Variants in TRIP12 observed in about 807,000 individuals in gnomAD.
TRIP12 encodes E3 ubiquitin-protein ligase TRIP12.
In TRIP12, 25 loss-of-function variants were observed where a neutral mutation model predicts 244.2. The observed-to-expected ratio is 0.10, with a 90% CI of 0.07 to 0.14. TRIP12 has a LOEUF of 0.14. Ranked by LOEUF, TRIP12 falls within the 10% of genes least tolerant of loss-of-function variation. The pLI, the probability that TRIP12 is intolerant of heterozygous loss-of-function variation, is 1.00. For synonymous variants in TRIP12, 905 were observed against 873.1 expected (o/e 1.04, Z -0.64); for missense variants, 1,677 against 2,486.4 (o/e 0.67, Z 6.92).
chr2:229,770,197 G>C (rs747362042), intron 39 of TRIP12, among the ~76,000 whole-genome samples: 2 of 151,990 alleles, frequency 1.3e-5, no homozygotes, highest in Non-Finnish European at 2.9e-5. Context: ...TTAAATTTCC[G>C]AGCTCAAGTG....
chr2:229,793,204 A>C (rs1372070671), intron 26 of TRIP12, 59 bp from the exon 27 acceptor site: 21 of 1,518,218 alleles, frequency 1.4e-5, no homozygotes, highest in Admixed American at 2.0e-5. Context: ...ATATACATTA[A>C]TTCAAATAAA....
intron 1 of TRIP12, among the ~76,000 whole-genome samples, chr2:229,898,869 T>C (rs2069735626): frequency 6.6e-6 from 1 of 152,142 alleles, no homozygotes; most frequent in Admixed American, 6.5e-5. Context: ...TTTATTTTTA[T>C]TTTTTGTAGA....
intron 39 of TRIP12, among the ~76,000 whole-genome samples, chr2:229,769,655 T>A (rs569069759): frequency 7.4e-4 from 112 of 152,208 alleles, no homozygotes; most frequent in Non-Finnish European, 1.0e-3. Context: ...AAATGGATAA[T>A]CTGCTTCTAG....
rs897730475 is a variant in TRIP12 at position 229,784,324 on chromosome 2, C to CA, written c.5094+1432dup. Among the ~76,000 whole-genome samples the CA allele has an allele frequency of 8.7e-5, 13 of 150,270 alleles. No homozygotes were observed. The East Asian group carries it at 1.6e-3, about 18-fold the overall frequency. On this transcript the variant is annotated intron_variant, in intron 34 of 41. Coordinates refer to ENST00000675903, the MANE Select transcript of TRIP12 (RefSeq NM_001348323.3). The stretch of plus-strand genomic sequence containing the variant: ...AGAACGGTCTTTTCAGCAGATAGTG[C>CA]AAAAAAATCTGAATAGCCTATGTCT...
intron 27 of TRIP12, 36 bp downstream of exon 27, chr2:229,792,937 C>A: frequency 6.3e-7 from 1 of 1,580,202 alleles, no homozygotes; most frequent in Non-Finnish European, 8.6e-7. Flanking sequence ...CCCAAATATA[C>A]ATATATAACA....
chr2:229,854,393 C>T (rs1474488155), intron 4 of TRIP12, among the ~76,000 whole-genome samples: 1 of 152,192 alleles, frequency 6.6e-6, no homozygotes, highest in Non-Finnish European at 1.5e-5. Context: ...CAAAATGCTC[C>T]TTTGAATATG....
chr2:229,914,225 A>C (rs575609443), intron 1 of TRIP12, among the ~76,000 whole-genome samples: 9 of 152,266 alleles, frequency 5.9e-5, no homozygotes, highest in African/African-American at 1.9e-4. Flanking sequence ...AATAATAATA[A>C]AAATAATAGA....
At chr2:229,829,387 T>C in intron 7 of TRIP12, 99 bp from the exon 8 acceptor site, 1 of 893,990 alleles carries the variant, frequency 1.1e-6, no homozygotes, top group Non-Finnish European at 1.7e-6. Flanking sequence ...CTTAACTGAT[T>C]CAGTCAATGT....
At position 229,798,859 on chromosome 2, in the gene TRIP12, A is replaced by T; in HGVS notation, c.3482+16T>A. Reference sequence around the variant, plus strand: ...GATATGGGAATAGAAGAAACATAAAACTCCCCCCACTTCACCTATTATTGG... The same window carrying T: ...GATATGGGAATAGAAGAAACATAAATCTCCCCCCACTTCACCTATTATTGG... On this transcript the variant is annotated intron_variant, in intron 23 of 41. Transcript: ENST00000675903. 1 of 1,609,636 alleles carries T rather than the reference A, an allele frequency of 6.2e-7. No homozygotes were observed. Among genetic ancestry groups the T allele is most frequent in the Admixed American group, 1.7e-5 (1 of 58,872 alleles).
chr2:229,833,999 C>T (rs952751157), intron 6 of TRIP12, among the ~76,000 whole-genome samples: 5 of 152,226 alleles, frequency 3.3e-5, no homozygotes, highest in Admixed American at 1.3e-4. Context: ...ACAGTTCTTT[C>T]GTCAAGGCTT....
intron 6 of TRIP12, among the ~76,000 whole-genome samples, chr2:229,835,260 G>T (rs2054510459): frequency 6.6e-6 from 1 of 152,090 alleles, no homozygotes; most frequent in African/African-American, 2.4e-5. Context: ...ACACAGCTTG[G>T]GAAACACCTG....
chr2:229,800,249 T>TA (rs1161729462), intron 21 of TRIP12, among the ~76,000 whole-genome samples: 2 of 152,234 alleles, frequency 1.3e-5, no homozygotes, highest in African/African-American at 4.8e-5. Flanking sequence ...TTGGTTTTTT[T>TA]AAACCTATAT....
intron 1 of TRIP12, among the ~76,000 whole-genome samples, chr2:229,908,054 A>C (rs1340339988): frequency 6.6e-6 from 1 of 152,100 alleles, no homozygotes; most frequent in African/African-American, 2.4e-5. Flanking sequence ...CCACTTCACT[A>C]AACTTATCAT....
At chr2:229,840,576 C>T (rs564826705) in intron 5 of TRIP12, among the ~76,000 whole-genome samples, 3 of 152,066 alleles carry the variant, frequency 2.0e-5, no homozygotes, top group African/African-American at 7.2e-5. Context: ...GTGGCAGGCA[C>T]CTGTAATCCC....
chr2:229,794,914 AT>A, intron 26 of TRIP12: 1 of 256,260 alleles, frequency 3.9e-6, no homozygotes, highest in East Asian at 8.0e-5. Context: ...AAGTGTATCA[AT>A]TTAAGGAAAA....
At position 229,859,058 on chromosome 2, in the gene TRIP12, C is replaced by T. The variant is rs376113052; in HGVS notation, c.741G>A (p.Ser247=). The change falls in exon 4 of 42, where the codon TCG becomes TCA. Residue 247 remains serine, a synonymous_variant. Transcript: ENST00000675903. The part of the protein sequence containing the change: ...DSSSAASTSS[S]SSAVASASST... ...AGGAGGCCGAGGCTACAGCAGAAGA[C>T]GAGGAGGAAGTAGAGGCAGCAGAAG... 7.2e-5 allele frequency: 116 copies of T among 1,614,052 alleles called. No homozygotes were observed. The highest frequency in any genetic ancestry group is 2.1e-4 in the South Asian group (19 of 91,080).
At chr2:229,909,270 G>T (rs911901254) in intron 1 of TRIP12, among the ~76,000 whole-genome samples, 2 of 152,008 alleles carry the variant, frequency 1.3e-5, no homozygotes, top group Admixed American at 1.3e-4. Flanking sequence ...TAAGGGCCAG[G>T]AGTGGTGACT....
At chr2:229,829,172 G>A in intron 8 of TRIP12, 21 bp downstream of exon 8, 1 of 1,608,188 alleles carries the variant, frequency 6.2e-7, no homozygotes. Flanking sequence ...GGGATTTCAG[G>A]GAAGGAACAT....
chr2:229,890,209 A>G (rs2066998013), intron 1 of TRIP12, among the ~76,000 whole-genome samples: 1 of 151,724 alleles, frequency 6.6e-6, no homozygotes, highest in Non-Finnish European at 1.5e-5. Flanking sequence ...CCTCCTCAGC[A>G]GCTGGGACTA....
Sources: gnomAD v4.1 joint callset for allele counts (sites outside exome capture counted in the v4.1 genomes callset) on GRCh38, gnomAD v4.1.1 for gene constraint, MANE v1.5 for transcripts, NCBI Gene and HGNC (gene_info 2026-07-23, HGNC 2026-07-21) for gene names.